CGNL1: variants seen among roughly 807,000 people sequenced by gnomAD.
CGNL1 encodes cingulin-like protein 1.
CGNL1 carries 132 observed loss-of-function variants against 141.2 expected under a neutral mutation model. The observed-to-expected ratio is 0.93, with a 90% confidence interval of 0.81 to 1.08. CGNL1 has a LOEUF of 1.08. Ranked by LOEUF, CGNL1 falls within the 50% of genes least tolerant of loss-of-function variation. CGNL1 has a pLI of 0.00. For synonymous variants in CGNL1, 690 were observed against 622.1 expected (o/e 1.11, Z -1.63); for missense variants, 1,870 against 1,588.6 (o/e 1.18, Z -3.01).
At chr15:57,468,543 T>G (rs1279079187) in intron 8 of CGNL1, among the ~76,000 whole-genome samples, 2 of 150,840 alleles carry the variant, frequency 1.3e-5, no homozygotes, top group African/African-American at 4.9e-5. Flanking sequence ...TGAAGTTTTC[T>G]TTGGTAAAAA....
intron 1 of CGNL1, among the ~76,000 whole-genome samples, chr15:57,405,593 G>T (rs1402430405): frequency 1.3e-5 from 2 of 152,174 alleles, no homozygotes; most frequent in African/African-American, 2.4e-5. Flanking sequence ...GTGGGGAGCA[G>T]AGTGGAGCTG....
chr15:57,544,476 A>G lies in CGNL1; in HGVS notation c.3379A>G (p.Lys1127Glu). The change falls in exon 16 of 19, where the codon AAG (lysine) becomes GAG (glutamate). Residue 1127 changes from lysine (K) to glutamate (E), a missense_variant. Lys to Glu is a moderately conservative substitution (Grantham distance 56, BLOSUM62 1). Coordinates refer to ENST00000281282, the MANE Select transcript of CGNL1 (RefSeq NM_032866.5). ...CDKISLERQN[K>E]DLKSRIIHLE... The stretch of plus-strand genomic sequence containing the variant: ...CAGTCTCCCTGTGTTGTTCCAGAAC[A>G]AGGACTTAAAGAGCCGGATTATCCA... 2 of 1,614,112 alleles carry G rather than the reference A, an allele frequency of 1.2e-6. No individual in the cohort carries two copies. Among genetic ancestry groups the G allele is most frequent in the African/African-American group, 1.3e-5 (1 of 75,066 alleles).
At chr15:57,430,275 A>G (rs147683481) in intron 1 of CGNL1, among the ~76,000 whole-genome samples, 1 of 152,292 alleles carries the variant, frequency 6.6e-6, no homozygotes, top group African/African-American at 2.4e-5. Context: ...CTGCTTCTGC[A>G]TCTCGGAGTC....
rs140213197 is a variant in CGNL1 at position 57,465,634 on chromosome 15, G to C, written c.2403+3742G>C. On this transcript the variant is annotated intron_variant, in intron 8 of 18. Transcript: ENST00000281282. ...TCAAACCCCTGACCTCAGGGGATCC[G>C]TCAGCTTCAACCTCCCCAAAAAAAA... 2.0e-3 allele frequency among the ~76,000 whole-genome samples: 305 copies of C among 149,822 alleles called. 1 individual carries two copies. Among genetic ancestry groups the C allele is most frequent in the African/African-American group, 7.2e-3 (296 of 41,162 alleles).
chr15:57,492,925 T>C (rs1280367), intron 8 of CGNL1, among the ~76,000 whole-genome samples: 125,588 of 151,974 alleles, frequency 0.83, 51,898 homozygotes, highest in South Asian at 0.86. Context: ...CTTGAATACG[T>C]CATCAGGTAT....
At chr15:57,388,304 T>C (rs1363988977) in intron 1 of CGNL1, among the ~76,000 whole-genome samples, 1 of 152,054 alleles carries the variant, frequency 6.6e-6, no homozygotes, top group Non-Finnish European at 1.5e-5. Context: ...AGAGGAGTCC[T>C]GGGAAAAGCT....
chr15:57,528,375 T>G (rs1277775946), intron 12 of CGNL1, among the ~76,000 whole-genome samples: 1 of 152,208 alleles, frequency 6.6e-6, no homozygotes, highest in Non-Finnish European at 1.5e-5. Context: ...ACTCTGCTAT[T>G]TTTTTCTGTT....
At chr15:57,427,441 G>T (rs2062987947) in intron 1 of CGNL1, among the ~76,000 whole-genome samples, 1 of 152,126 alleles carries the variant, frequency 6.6e-6, no homozygotes, top group Admixed American at 6.5e-5. Context: ...TTATGAGACT[G>T]GGTTGGTTTG....
intron 8 of CGNL1, among the ~76,000 whole-genome samples, chr15:57,508,371 C>T (rs532682957): frequency 6.6e-6 from 1 of 152,252 alleles, no homozygotes; most frequent in East Asian, 1.9e-4. Context: ...TGCAATGGCT[C>T]AACCCCATCT....
intron 8 of CGNL1, among the ~76,000 whole-genome samples, chr15:57,471,887 G>C (rs941717269): frequency 2.0e-5 from 3 of 152,082 alleles, no homozygotes; most frequent in South Asian, 2.1e-4. Context: ...GCGCTGGGTT[G>C]TAGGAATAAC....
chr15:57,381,611 TG>T (rs2062425758), intron 1 of CGNL1, among the ~76,000 whole-genome samples: 1 of 152,128 alleles, frequency 6.6e-6, no homozygotes, highest in Non-Finnish European at 1.5e-5. Flanking sequence ...GAGAGTACTC[TG>T]GTCTGTCTGA....
At chr15:57,486,774 G>A (rs2063790847) in intron 8 of CGNL1, among the ~76,000 whole-genome samples, 2 of 152,226 alleles carry the variant, frequency 1.3e-5, no homozygotes, top group Non-Finnish European at 2.9e-5. Flanking sequence ...GACACCCAAA[G>A]AGGGGTATCT....
At chr15:57,525,567 C>T (rs922756482) in intron 12 of CGNL1, among the ~76,000 whole-genome samples, 10 of 152,130 alleles carry the variant, frequency 6.6e-5, no homozygotes, top group South Asian at 2.1e-4. Flanking sequence ...CTGTACATCC[C>T]GGACACTTCA....
In CGNL1 at chr15:57,434,455, A is replaced by T. The variant is rs2063080834; in HGVS notation, c.-15-3530A>T. Among the ~76,000 whole-genome samples the T allele has an allele frequency of 2.0e-5, 3 of 152,198 alleles. No individual in the cohort carries two copies. The East Asian group carries it at 5.8e-4, about 29-fold the overall frequency. On this transcript the variant is annotated intron_variant, in intron 1 of 18. Transcript: ENST00000281282. The stretch of plus-strand genomic sequence containing the variant: ...ATAGTAATCTGAACATTATCACAGA[A>T]AGAATGCAAAAATATTTTATAGAAC...
chr15:57,384,390 C>T (rs1368445965), intron 1 of CGNL1, among the ~76,000 whole-genome samples: 1 of 152,178 alleles, frequency 6.6e-6, no homozygotes, highest in Non-Finnish European at 1.5e-5. Flanking sequence ...CTATCATAAA[C>T]CCATTTTACA....
intron 7 of CGNL1, 115 bp from the exon 8 acceptor site, chr15:57,461,565 T>A: frequency 1.2e-6 from 1 of 809,596 alleles, no homozygotes; most frequent in South Asian, 1.5e-5. Flanking sequence ...AAGGAGAGAG[T>A]GGCAAGGCCA....
At chr15:57,526,784 C>T (rs2031641242) in intron 12 of CGNL1, among the ~76,000 whole-genome samples, 1 of 152,118 alleles carries the variant, frequency 6.6e-6, no homozygotes, top group Non-Finnish European at 1.5e-5. Context: ...GTCAAGGACT[C>T]TGAGTATGAT....
intron 8 of CGNL1, among the ~76,000 whole-genome samples, chr15:57,479,189 C>A (rs12440928): frequency 2.6e-5 from 4 of 152,166 alleles, no homozygotes; most frequent in African/African-American, 9.6e-5. Flanking sequence ...AACAAATACA[C>A]GCTCTGTAAA....
intron 13 of CGNL1, among the ~76,000 whole-genome samples, chr15:57,529,559 A>AACACACAC (rs10593466): frequency 0.021 from 2,887 of 137,896 alleles, 72 homozygotes; most frequent in African/African-American, 0.042. Flanking sequence ...AACCCCCAGA[A>AACACACAC]ACACACACAC....
Sources: gnomAD v4.1 joint callset for allele counts (sites outside exome capture counted in the v4.1 genomes callset) on GRCh38, gnomAD v4.1.1 for gene constraint, MANE v1.5 for transcripts, NCBI Gene and HGNC (gene_info 2026-07-23, HGNC 2026-07-21) for gene names.